RFX3: variants seen among roughly 807,000 people sequenced by gnomAD.
RFX3 encodes the protein regulatory factor X3.
Under a neutral mutation model 98.6 loss-of-function variants are expected in RFX3, and 14 were observed. The observed-to-expected ratio is 0.14, with a 90% CI of 0.09 to 0.22. RFX3 has a LOEUF of 0.22. RFX3 is among the 10% of genes least tolerant of loss of function. RFX3 has a pLI of 1.00. For missense variants in RFX3, 639 were observed against 926.9 expected (o/e 0.69, Z 4.03); for synonymous variants, 383 against 328.4 (o/e 1.17, Z -1.80).
chr9:3,261,752 A>G (rs1586784810), intron 13 of RFX3, among the ~76,000 whole-genome samples: 1 of 152,106 alleles, frequency 6.6e-6, no homozygotes. Context: ...ACAGCATTTT[A>G]TATTCTGACC....
intron 5 of RFX3, among the ~76,000 whole-genome samples, chr9:3,293,763 T>C (rs1827669028): frequency 6.6e-6 from 1 of 152,106 alleles, no homozygotes; most frequent in African/African-American, 2.4e-5. Context: ...TATCTCAAAT[T>C]ACCACTAGAT....
intron 8 of RFX3, among the ~76,000 whole-genome samples, chr9:3,276,583 G>A (rs1176178637): frequency 1.3e-5 from 2 of 152,018 alleles, no homozygotes; most frequent in Non-Finnish European, 2.9e-5. Context: ...TCTGAGAAAC[G>A]CTGCCATGTT....
intron 2 of RFX3, among the ~76,000 whole-genome samples, chr9:3,368,160 A>T (rs956069903): frequency 1.3e-5 from 2 of 152,200 alleles, no homozygotes; most frequent in African/African-American, 4.8e-5. Context: ...ACCTTTCTAA[A>T]ACTTATCATA....
intron 1 of RFX3, among the ~76,000 whole-genome samples, chr9:3,475,521 AGAGG>A (rs907532255): frequency 6.6e-6 from 1 of 152,186 alleles, no homozygotes; most frequent in African/African-American, 2.4e-5. Context: ...AGACAGAGAG[AGAGG>A]GAGAGAGAGA....
rs747301431 is a variant in RFX3 at position 3,277,478 on chromosome 9, GA to G, written c.852-18del. The G allele has an allele frequency of 8.1e-6, 13 of 1,606,340 alleles. No individual in the cohort carries two copies. In the African/African-American group the frequency reaches 9.4e-5, roughly 12 times the overall value. On this transcript the variant is annotated intron_variant, in intron 7 of 16. Transcript: ENST00000617270. ...GGCTTGTACCTAAAAATATTAGATG[GA>G]AAAAAACAAATAAACCAAATTATTC...
chr9:3,310,137 G>T (rs1461759613), intron 4 of RFX3, among the ~76,000 whole-genome samples: 1 of 152,122 alleles, frequency 6.6e-6, no homozygotes, highest in Non-Finnish European at 1.5e-5. Flanking sequence ...ATCATTTAGG[G>T]GCAGTTGATA....
intron 9 of RFX3, among the ~76,000 whole-genome samples, chr9:3,271,557 C>G (rs6150893): frequency 2.2e-4 from 19 of 85,108 alleles, no homozygotes; most frequent in African/African-American, 6.9e-4. Context: ...CTCTCTTTCT[C>G]TCTCTCTTTC....
At chr9:3,391,636 T>C (rs1437108302) in intron 2 of RFX3, among the ~76,000 whole-genome samples, 1 of 152,178 alleles carries the variant, frequency 6.6e-6, no homozygotes, top group Non-Finnish European at 1.5e-5. Flanking sequence ...GTACACAAGA[T>C]TATTTTTTAT....
At chr9:3,445,992 T>C (rs1203264410) in intron 1 of RFX3, among the ~76,000 whole-genome samples, 8 of 152,162 alleles carry the variant, frequency 5.3e-5, no homozygotes, top group Admixed American at 5.2e-4. Context: ...TACACCACTC[T>C]ATTCATACTG....
At chr9:3,326,011 C>A (rs954361968) in intron 4 of RFX3, among the ~76,000 whole-genome samples, 1 of 152,084 alleles carries the variant, frequency 6.6e-6, no homozygotes, top group African/African-American at 2.4e-5. Flanking sequence ...AGATCCCTAA[C>A]ATATTCAGGT....
intron 1 of RFX3, among the ~76,000 whole-genome samples, chr9:3,469,624 C>T (rs1390982601): frequency 6.6e-6 from 1 of 152,050 alleles, no homozygotes; most frequent in Non-Finnish European, 1.5e-5. Context: ...TGGGAATACA[C>T]TTAAAACTAT....
chr9:3,467,925 C>T (rs1371344007), intron 1 of RFX3, among the ~76,000 whole-genome samples: 1 of 152,156 alleles, frequency 6.6e-6, no homozygotes, highest in African/African-American at 2.4e-5. Flanking sequence ...CAGCAATCAC[C>T]AAGTGTCCTT....
intron 5 of RFX3, 40 bp downstream of exon 5, chr9:3,301,506 C>T: frequency 1.4e-6 from 2 of 1,386,024 alleles, no homozygotes; most frequent in Non-Finnish European, 2.0e-6. Flanking sequence ...ACATGCAGAA[C>T]AAGCAAGAGA....
chr9:3,348,224 T>C (rs1041851948), intron 2 of RFX3, among the ~76,000 whole-genome samples: 1 of 152,222 alleles, frequency 6.6e-6, no homozygotes, highest in Admixed American at 6.5e-5. Flanking sequence ...AGTTCCTCTA[T>C]TTCATGTATG....
chr9:3,391,862 A>C (rs1282669852), intron 2 of RFX3, among the ~76,000 whole-genome samples: 3 of 152,180 alleles, frequency 2.0e-5, no homozygotes, highest in African/African-American at 7.2e-5. Context: ...CTTTAGTAAA[A>C]TGTTTGGAGG....
chr9:3,324,729 G>A (rs999197086), intron 4 of RFX3, among the ~76,000 whole-genome samples: 3 of 152,230 alleles, frequency 2.0e-5, no homozygotes, highest in East Asian at 1.9e-4. Context: ...TTGGGAGGCT[G>A]AGGCGGGCAG....
intron 4 of RFX3, among the ~76,000 whole-genome samples, chr9:3,320,580 A>C (rs888842053): frequency 2.6e-5 from 4 of 151,406 alleles, no homozygotes; most frequent in African/African-American, 7.3e-5. Flanking sequence ...CAAAAAAAAA[A>C]ACTTTAGGAT....
chr9:3,383,448 T>C (rs746276055), intron 2 of RFX3, among the ~76,000 whole-genome samples: 1 of 152,146 alleles, frequency 6.6e-6, no homozygotes, highest in Non-Finnish European at 1.5e-5. Flanking sequence ...CTTATAGCAC[T>C]TCACAGTTTA....
At chr9:3,386,739 A>C (rs971752832) in intron 2 of RFX3, among the ~76,000 whole-genome samples, 4 of 152,198 alleles carry the variant, frequency 2.6e-5, no homozygotes, top group African/African-American at 7.2e-5. Flanking sequence ...GCACAGTTTC[A>C]AGTTGGATGG....
Sources: gnomAD v4.1 joint callset for allele counts (sites outside exome capture counted in the v4.1 genomes callset) on GRCh38, gnomAD v4.1.1 for gene constraint, MANE v1.5 for transcripts, NCBI Gene and HGNC (gene_info 2026-07-23, HGNC 2026-07-21) for gene names.